BRINP1: variants seen among roughly 807,000 people sequenced by gnomAD.
BRINP1 encodes the protein BMP/retinoic acid-inducible neural-specific protein 1.
BRINP1 carries 17 observed loss-of-function variants against 72.9 expected under a neutral mutation model. That is an observed-to-expected ratio of 0.23 (90% confidence interval 0.16 to 0.35). The LOEUF is 0.35. Among genes scored for constraint, BRINP1 ranks in the 10% least tolerant of loss-of-function variants. The pLI, the probability that BRINP1 is intolerant of heterozygous loss-of-function variation, is 1.00. For synonymous variants in BRINP1, 418 were observed against 378.5 expected, an observed-to-expected ratio of 1.10 and a Z score of -1.21; for missense variants, 850 against 1,001.6, an observed-to-expected ratio of 0.85 and a Z score of 2.04.
In BRINP1 at chr9:119,208,874, C is replaced by G; in HGVS notation, c.990G>C (p.Gln330His). ...NHFLTIGSIH[Q>H]HWGNDWDLQN... is the part of the protein sequence containing the mutation. ...GCAGGTCCCAGTCATTGCCCCAGTGCTGATGGATGCTTCCGATGGTCAGGA... is the reference window on the plus strand; with the variant it reads ...GCAGGTCCCAGTCATTGCCCCAGTGGTGATGGATGCTTCCGATGGTCAGGA... Residue 330 changes from glutamine (Q) to histidine (H), a missense_variant, in exon 7 of 8, where the codon CAG becomes CAC. Transcript: ENST00000265922. 6.2e-7 allele frequency: 1 copy of G among 1,614,132 alleles called. No homozygotes were observed. Among genetic ancestry groups the G allele is most frequent in the Non-Finnish European group, 8.5e-7 (1 of 1,180,038 alleles).
At chr9:119,248,436 C>A (rs1270699327) in intron 3 of BRINP1, among the ~76,000 whole-genome samples, 3 of 152,172 alleles carry the variant, frequency 2.0e-5, no homozygotes, top group Non-Finnish European at 4.4e-5. Flanking sequence ...CTTGATCACT[C>A]AAAAACTGAC....
chr9:119,313,066 G>T (rs769629468), intron 2 of BRINP1, 72 bp downstream of exon 2: 7 of 1,510,570 alleles, frequency 4.6e-6, no homozygotes, highest in Non-Finnish European at 6.3e-6. Context: ...AGCAAGGTTT[G>T]CACCAATCAA....
At chr9:119,196,214 C>T (rs1829736266) in intron 7 of BRINP1, among the ~76,000 whole-genome samples, 1 of 152,144 alleles carries the variant, frequency 6.6e-6, no homozygotes, top group Admixed American at 6.6e-5. Flanking sequence ...GCATCAGTAT[C>T]ACCTGGGACT....
intron 2 of BRINP1, among the ~76,000 whole-genome samples, chr9:119,290,623 T>C: frequency 6.6e-6 from 1 of 152,112 alleles, no homozygotes. Context: ...TATGGATATT[T>C]GGGAGTTGTT....
chr9:119,332,153 G>A (rs1831305387), intron 1 of BRINP1, among the ~76,000 whole-genome samples: 1 of 152,168 alleles, frequency 6.6e-6, no homozygotes, highest in African/African-American at 2.4e-5. Flanking sequence ...AGTCCCATGT[G>A]TATGATTTTC....
At chr9:119,302,363 G>A (rs189113672) in intron 2 of BRINP1, among the ~76,000 whole-genome samples, 1 of 152,128 alleles carries the variant, frequency 6.6e-6, no homozygotes, top group Admixed American at 6.5e-5. Flanking sequence ...TGAAAATATT[G>A]CCTTTTGTTT....
At position 119,168,400 on chromosome 9, in the gene BRINP1, C is replaced by A. The variant is rs541025199; in HGVS notation, c.1146-176G>T. ...CGTAAGAACTACATTGTAGCTCCTC[C>A]TAATGCCACAAACCAGCTGCATGAC... On this transcript the variant is annotated intron_variant, in intron 7 of 7. Coordinates refer to ENST00000265922, the MANE Select transcript of BRINP1 (RefSeq NM_014618.3). 7.2e-5 allele frequency among the ~76,000 whole-genome samples: 11 copies of A among 152,300 alleles called. No individual in the cohort carries two copies. In the East Asian group the frequency reaches 2.1e-3, roughly 29 times the overall value.
At chr9:119,330,491 G>T (rs1432313789) in intron 1 of BRINP1, among the ~76,000 whole-genome samples, 1 of 152,122 alleles carries the variant, frequency 6.6e-6, no homozygotes, top group Non-Finnish European at 1.5e-5. Flanking sequence ...GCCTTTATTT[G>T]AACACCAGTA....
intron 1 of BRINP1, among the ~76,000 whole-genome samples, chr9:119,340,219 T>C (rs1831392554): frequency 6.6e-6 from 1 of 151,958 alleles, no homozygotes; most frequent in African/African-American, 2.4e-5. Flanking sequence ...TCAGGACAAT[T>C]AAAAATAAAA....
chr9:119,209,575 T>TA (rs11412075), intron 6 of BRINP1, among the ~76,000 whole-genome samples: 13,292 of 142,356 alleles, frequency 0.093, 1,035 homozygotes, highest in African/African-American at 0.2. Flanking sequence ...TCAAAAAAAT[T>TA]AAAAAAAAAA....
At chr9:119,170,489 C>A (rs971616349) in intron 7 of BRINP1, among the ~76,000 whole-genome samples, 4 of 151,916 alleles carry the variant, frequency 2.6e-5, no homozygotes, top group Admixed American at 1.3e-4. Flanking sequence ...TGTGAAAAGA[C>A]CAAATCTACA....
At chr9:119,296,694 G>T (rs1383645776) in intron 2 of BRINP1, among the ~76,000 whole-genome samples, 2 of 152,076 alleles carry the variant, frequency 1.3e-5, no homozygotes, top group African/African-American at 2.4e-5. Flanking sequence ...TAAAAAGAAA[G>T]AAATCCTGCC....
chr9:119,338,617 A>C (rs887183942), intron 1 of BRINP1, among the ~76,000 whole-genome samples: 10 of 150,998 alleles, frequency 6.6e-5, no homozygotes, highest in African/African-American at 2.4e-4. Flanking sequence ...TCACGCCTGT[A>C]ATCCCAGCAC....
chr9:119,344,951 T>G (rs375892020), intron 1 of BRINP1, among the ~76,000 whole-genome samples: 1 of 152,218 alleles, frequency 6.6e-6, no homozygotes, highest in Non-Finnish European at 1.5e-5. Flanking sequence ...GCTCCAGTAC[T>G]TATTTCTTCT....
chr9:119,301,629 A>G (rs1431548024), intron 2 of BRINP1, among the ~76,000 whole-genome samples: 1 of 152,138 alleles, frequency 6.6e-6, no homozygotes, highest in African/African-American at 2.4e-5. Context: ...GAATCCACAC[A>G]TATGGTAAAA....
In BRINP1 at chr9:119,305,433, G is replaced by T. The variant is rs571038489; in HGVS notation, c.218+7705C>A. On this transcript the variant is annotated intron_variant, in intron 2 of 7. Transcript: ENST00000265922. ...CTATCTCAAATTTCTTTTGTTGTTG[G>T]CTTGAAGCTGCTCTCCAACCTTATG... 3.9e-5 allele frequency among the ~76,000 whole-genome samples: 6 copies of T among 152,164 alleles called. No homozygotes were observed. The South Asian group carries it at 1.2e-3, about 32-fold the overall frequency.
At chr9:119,352,664 TC>T (rs1200612430) in intron 1 of BRINP1, among the ~76,000 whole-genome samples, 9 of 152,162 alleles carry the variant, frequency 5.9e-5, no homozygotes, top group Non-Finnish European at 8.8e-5. Context: ...CACCTTGACT[TC>T]CCCAGTGCTG....
At chr9:119,267,673 A>T (rs934032679) in intron 2 of BRINP1, among the ~76,000 whole-genome samples, 3 of 150,430 alleles carry the variant, frequency 2.0e-5, no homozygotes, top group Admixed American at 1.3e-4. Context: ...TAAATAAATA[A>T]ATAAGGCTAT....
chr9:119,369,075 T>C lies in BRINP1; in HGVS notation c.-70A>G, dbSNP rs886236142. On this transcript the variant is annotated 5_prime_UTR_variant, in exon 1 of 8. Coordinates refer to ENST00000265922, the MANE Select transcript of BRINP1 (RefSeq NM_014618.3). The stretch of plus-strand genomic sequence containing the variant: ...CCTTACCTGGAGTCAATGTCCGTCT[T>C]TGGCGGAGAGCTGCGGGAGGACGCT... 23 of 395,896 alleles carry C rather than the reference T, an allele frequency of 5.8e-5. No individual in the cohort carries two copies. The highest frequency in any genetic ancestry group is 9.8e-5 in the Non-Finnish European group (22 of 224,570). The allele number at this position is 395,896 out of a possible 1,614,324, so 24.5% of individuals were successfully genotyped here.
Sources: gnomAD v4.1 joint callset for allele counts (sites outside exome capture counted in the v4.1 genomes callset) on GRCh38, gnomAD v4.1.1 for gene constraint, MANE v1.5 for transcripts, NCBI Gene and HGNC (gene_info 2026-07-23, HGNC 2026-07-21) for gene names.